Variants in MACROD2 observed in about 807,000 individuals in gnomAD.
The protein encoded by MACROD2 is ADP-ribose glycohydrolase MACROD2.
MACROD2 carries 36 observed loss-of-function variants against 70.4 expected under a neutral mutation model. That is an observed-to-expected ratio of 0.51 (90% CI 0.39 to 0.68). The LOEUF is 0.68. Among genes scored for constraint, MACROD2 ranks in the 30% least tolerant of loss-of-function variants. MACROD2 has a pLI of 0.00. For synonymous variants in MACROD2, 172 were observed against 178.8 expected (o/e 0.96, Z 0.30); for missense variants, 496 against 538.4 (o/e 0.92, Z 0.78).
At chr20:15,761,125 A>G (rs902615838) in intron 8 of MACROD2, among the ~76,000 whole-genome samples, 86 of 152,338 alleles carry the variant, frequency 5.6e-4, no homozygotes, top group African/African-American at 1.9e-3. Context: ...GGCTCACTGC[A>G]ACCTCTGCCT....
intron 3 of MACROD2, among the ~76,000 whole-genome samples, chr20:14,191,755 G>A (rs1430224174): frequency 6.6e-6 from 1 of 152,224 alleles, no homozygotes; most frequent in Non-Finnish European, 1.5e-5. Context: ...AGTCTCTGAG[G>A]TGTGTGTATG....
intron 5 of MACROD2, among the ~76,000 whole-genome samples, chr20:14,971,083 G>A (rs937328348): frequency 3.3e-5 from 5 of 152,146 alleles, no homozygotes; most frequent in African/African-American, 1.2e-4. Context: ...TATAACTTAC[G>A]CACATTCTCC....
At chr20:14,711,219 T>G (rs2071334805) in intron 5 of MACROD2, among the ~76,000 whole-genome samples, 2 of 152,210 alleles carry the variant, frequency 1.3e-5, no homozygotes, top group South Asian at 4.1e-4. Context: ...ATCTTTGATT[T>G]ATTGGAACCT....
At chr20:15,845,151 A>C (rs1478516686) in intron 8 of MACROD2, among the ~76,000 whole-genome samples, 1 of 152,104 alleles carries the variant, frequency 6.6e-6, no homozygotes, top group Non-Finnish European at 1.5e-5. Context: ...CCTGTTTGGA[A>C]TAGAACCTTT....
At chr20:15,224,827 G>A (rs1336701399) in intron 5 of MACROD2, among the ~76,000 whole-genome samples, 3 of 151,974 alleles carry the variant, frequency 2.0e-5, no homozygotes, top group South Asian at 4.1e-4. Context: ...TGGTGTGATG[G>A]TGCATGCCTG....
chr20:14,708,636 G>A (rs1024655808), intron 5 of MACROD2, among the ~76,000 whole-genome samples: 2 of 151,918 alleles, frequency 1.3e-5, no homozygotes, highest in Non-Finnish European at 2.9e-5. Flanking sequence ...CTTTTATTTT[G>A]AGACTGAGTC....
chr20:14,251,139 G>C (rs1024408071), intron 3 of MACROD2, among the ~76,000 whole-genome samples: 13 of 152,084 alleles, frequency 8.5e-5, no homozygotes, highest in African/African-American at 3.1e-4. Context: ...TGTACTATCA[G>C]ATCACAACAA....
chr20:15,504,438 A>G (rs563369954), intron 8 of MACROD2, among the ~76,000 whole-genome samples: 103 of 152,336 alleles, frequency 6.8e-4, no homozygotes, highest in Middle Eastern at 6.8e-3. Context: ...TTAGAACTGA[A>G]AAACATGATG....
intron 8 of MACROD2, among the ~76,000 whole-genome samples, chr20:15,786,292 A>C (rs1406392337): frequency 6.6e-6 from 1 of 152,088 alleles, no homozygotes; most frequent in African/African-American, 2.4e-5. Context: ...ATTATATTTA[A>C]GATAGAATGA....
intron 6 of MACROD2, among the ~76,000 whole-genome samples, chr20:15,309,013 C>A (rs1241056469): frequency 6.6e-6 from 1 of 152,122 alleles, no homozygotes; most frequent in Non-Finnish European, 1.5e-5. Flanking sequence ...CTTCTCTGTC[C>A]TATACAAAGC....
chr20:15,446,428 C>CGT (rs2046566443), intron 7 of MACROD2, among the ~76,000 whole-genome samples: 1 of 152,144 alleles, frequency 6.6e-6, no homozygotes, highest in African/African-American at 2.4e-5. Context: ...AAAGCAGAGG[C>CGT]GTTTTGCAAC....
At chr20:15,643,261 T>G (rs774537047) in intron 8 of MACROD2, among the ~76,000 whole-genome samples, 1 of 152,188 alleles carries the variant, frequency 6.6e-6, no homozygotes, top group Admixed American at 6.5e-5. Context: ...GAAGGCTTAT[T>G]TGGATACCAT....
intron 2 of MACROD2, among the ~76,000 whole-genome samples, chr20:14,043,431 C>T (rs1403042610): frequency 6.6e-6 from 1 of 152,226 alleles, no homozygotes; most frequent in Non-Finnish European, 1.5e-5. Context: ...TCTGCCTTCT[C>T]TGAGTGTGCC....
At chr20:14,825,733 T>G (rs1337497253) in intron 5 of MACROD2, among the ~76,000 whole-genome samples, 1 of 152,160 alleles carries the variant, frequency 6.6e-6, no homozygotes, top group Non-Finnish European at 1.5e-5. Flanking sequence ...TGAGCCAATT[T>G]TCACAATAAC....
At chr20:14,921,209 GA>G (rs2074158612) in intron 5 of MACROD2, among the ~76,000 whole-genome samples, 1 of 152,136 alleles carries the variant, frequency 6.6e-6, no homozygotes, top group Admixed American at 6.5e-5. Flanking sequence ...TATTTCCCAT[GA>G]CATTTTAAAA....
At chr20:15,217,519 T>C (rs1326465023) in intron 5 of MACROD2, among the ~76,000 whole-genome samples, 1 of 152,126 alleles carries the variant, frequency 6.6e-6, no homozygotes, top group Non-Finnish European at 1.5e-5. Flanking sequence ...CTGATAATAA[T>C]TACACATTCT....
intron 8 of MACROD2, among the ~76,000 whole-genome samples, chr20:15,739,943 A>T (rs1352866345): frequency 6.6e-6 from 1 of 152,234 alleles, no homozygotes; most frequent in Non-Finnish European, 1.5e-5. Flanking sequence ...TGTCTGACAC[A>T]TGGGAAACAT....
chr20:14,917,526 A>G (rs990041469), intron 5 of MACROD2, among the ~76,000 whole-genome samples: 3 of 152,034 alleles, frequency 2.0e-5, no homozygotes, highest in African/African-American at 7.2e-5. Context: ...CCACCTGTCT[A>G]TGAGAGAACT....
At chr20:15,571,923 G>A (rs1255415626) in intron 8 of MACROD2, among the ~76,000 whole-genome samples, 3 of 152,026 alleles carry the variant, frequency 2.0e-5, no homozygotes, top group African/African-American at 4.8e-5. Context: ...TCACATTTAC[G>A]AAACTTATTT....
Sources: gnomAD v4.1 joint callset for allele counts (sites outside exome capture counted in the v4.1 genomes callset) on GRCh38, gnomAD v4.1.1 for gene constraint, MANE v1.5 for transcripts, NCBI Gene and HGNC (gene_info 2026-07-23, HGNC 2026-07-21) for gene names.